Variants in PIH1D2 observed in about 807,000 individuals in gnomAD.
The protein encoded by PIH1D2 is PIH1 domain-containing protein 2.
Under a neutral mutation model 31.2 loss-of-function variants are expected in PIH1D2, and 25 were observed. The observed-to-expected ratio is 0.80, with a 90% CI of 0.58 to 1.12. The LOEUF (loss-of-function observed/expected upper bound fraction) is 1.12, where lower values mean the gene tolerates loss of function less well. Among genes scored for constraint, PIH1D2 ranks in the 50% most tolerant of loss-of-function variants. The pLI, the probability that PIH1D2 is intolerant of heterozygous loss-of-function variation, is 0.00. For missense variants in PIH1D2, 310 were observed against 356.6 expected (o/e 0.87, Z 1.05); for synonymous variants, 116 against 119.9 (o/e 0.97, Z 0.21).
chr11:112,070,286 T>C, intron 5 of PIH1D2, 150 bp downstream of exon 5: 1 of 861,428 alleles, frequency 1.2e-6, no homozygotes, highest in East Asian at 2.6e-5. Flanking sequence ...GAGATGTGAA[T>C]GGCACATCTC....
chr11:112,073,380 T>C (rs1445868150), intron 1 of PIH1D2, among the ~76,000 whole-genome samples, 175 bp from the exon 2 acceptor site: 1 of 152,168 alleles, frequency 6.6e-6, no homozygotes, highest in Non-Finnish European at 1.5e-5. Flanking sequence ...AATTATCTAG[T>C]ACCTCTTCCT....
chr11:112,068,115 G>A, intron 5 of PIH1D2, 110 bp from the exon 6 acceptor site: 6 of 802,444 alleles, frequency 7.5e-6, no homozygotes, highest in Non-Finnish European at 1.1e-5. Flanking sequence ...TTGTTGCCAT[G>A]TGACTTGGAA....
the PIH1D2 span, among the ~76,000 whole-genome samples, chr11:112,055,041 G>C: frequency 6.6e-6 from 1 of 152,008 alleles, no homozygotes; most frequent in Non-Finnish European, 1.5e-5. Context: ...TTCCAAATAA[G>C]GTCACATTGA....
At chr11:112,056,221 T>G in the PIH1D2 span, among the ~76,000 whole-genome samples, 1 of 152,192 alleles carries the variant, frequency 6.6e-6, no homozygotes, top group African/African-American at 2.4e-5. Context: ...AAAATGTACC[T>G]GCTCTAAGTG....
the PIH1D2 span, among the ~76,000 whole-genome samples, chr11:112,055,693 C>G: frequency 6.6e-6 from 1 of 151,778 alleles, no homozygotes; most frequent in East Asian, 1.9e-4. Context: ...CATTCCTTTT[C>G]CGTGCTATGG....
Position 112,070,675 on chromosome 11 carries a change from T to C in PIH1D2, c.574A>G (p.Ser192Gly). 6.2e-7 allele frequency: 1 copy of C among 1,614,096 alleles called. No homozygotes were observed. ...RELTLGQIRS[S>G]TMSNPDHFPQ... ...AAGTGATCTGGATTGCTCATAGTAC[T>C]GCTTCGTATCTGTCCAAGAGTTAGT... The change falls in exon 5 of 6, where the codon AGT becomes GGT. Residue 192 changes from serine (S) to glycine (G), a missense_variant. Ser to Gly is a moderately conservative substitution (Grantham distance 56). Transcript: ENST00000280350.
At chr11:112,060,712 C>T (rs782689840), downstream of PIH1D2, among the ~76,000 whole-genome samples, 133 of 151,976 alleles carry the variant, frequency 8.8e-4, 2 homozygotes, top group Non-Finnish European at 6.5e-4. Flanking sequence ...ATGATCCACC[C>T]GCCTCACCCT....
chr11:112,060,712 CG>C (rs1465796492), downstream of PIH1D2, among the ~76,000 whole-genome samples: 1 of 151,976 alleles, frequency 6.6e-6, no homozygotes, highest in African/African-American at 2.4e-5. Context: ...ATGATCCACC[CG>C]CCTCACCCTC....
chr11:112,064,185 AT>A (rs1555183607), downstream of PIH1D2: 2 of 1,571,622 alleles, frequency 1.3e-6, no homozygotes, highest in Admixed American at 3.8e-5. Context: ...TTCAAAGATA[AT>A]TCATCTTTCG....
chr11:112,068,877 A>G (rs1865016365), intron 5 of PIH1D2, among the ~76,000 whole-genome samples: 1 of 152,116 alleles, frequency 6.6e-6, no homozygotes, highest in Admixed American at 6.5e-5. Flanking sequence ...TCAGCAAGTA[A>G]GGGATAAAAT....
chr11:112,062,341 G>A (rs587716903), downstream of PIH1D2: 148 of 1,571,324 alleles, frequency 9.4e-5, 2 homozygotes, highest in South Asian at 1.6e-3. Flanking sequence ...GAGCATTTGG[G>A]TGGTTACTGG....
downstream of PIH1D2, among the ~76,000 whole-genome samples, chr11:112,059,045 A>T (rs1224931437): frequency 6.6e-6 from 1 of 151,032 alleles, no homozygotes; most frequent in Non-Finnish European, 1.5e-5. Flanking sequence ...AAGATCTGAT[A>T]TTGTGTAAAA....
chr11:112,071,380 A>G (rs1865104587), intron 3 of PIH1D2, 97 bp from the exon 4 acceptor site: 1 of 1,423,712 alleles, frequency 7.0e-7, no homozygotes, highest in Non-Finnish European at 9.5e-7. Context: ...ATAAAGCTAG[A>G]GAATATTCCT....
In PIH1D2 at chr11:112,067,812, A is replaced by G. The variant is rs1864986324; in HGVS notation, c.*59T>C. On this transcript the variant is annotated 3_prime_UTR_variant, in exon 6 of 6. Transcript: ENST00000280350. Reference sequence around the variant, plus strand: ...ACTACTACCTCTTTAGCCAAAATGAAGGTCCTTTAATTCACATGACTTTAG... The same window carrying G: ...ACTACTACCTCTTTAGCCAAAATGAGGGTCCTTTAATTCACATGACTTTAG... 1 of 1,583,680 alleles carries G rather than the reference A, an allele frequency of 6.3e-7. No individual in the cohort carries two copies. Among genetic ancestry groups the G allele is most frequent in the Non-Finnish European group, 8.6e-7 (1 of 1,168,308 alleles).
In PIH1D2 at chr11:112,070,953, TAG is replaced by T. The variant is rs782522407; in HGVS notation, c.547+83_547+84del. ...ATCTTAAGTTTTTCACCTTTTAAAA[TAG>T]AGATTTCTAGTTTGCAAAATGTATA... On this transcript the variant is annotated intron_variant, in intron 4 of 5. Transcript: ENST00000280350. The T allele has an allele frequency of 1.8e-5, 25 of 1,423,740 alleles. No individual in the cohort carries two copies. The African/African-American group carries it at 3.6e-4, about 20-fold the overall frequency. 88.2% of individuals were successfully genotyped at this position (1,423,740 alleles called of 1,614,324 possible). A position where few individuals can be genotyped will look rare whatever the true frequency, so the allele number is the denominator to read the frequency against.
At chr11:112,071,587 C>A (rs1219652226) in intron 3 of PIH1D2, 48 bp downstream of exon 3, 1 of 1,575,874 alleles carries the variant, frequency 6.3e-7, no homozygotes, top group Non-Finnish European at 8.7e-7. Flanking sequence ...AGATCTTGTC[C>A]ATTCCTAATA....
chr11:112,067,835 T>G lies in PIH1D2; in HGVS notation c.*36A>C. The G allele has an allele frequency of 3.7e-6, 6 of 1,609,338 alleles. No individual in the cohort carries two copies. The highest frequency in any genetic ancestry group is 5.1e-6 in the Non-Finnish European group (6 of 1,178,362). On this transcript the variant is annotated 3_prime_UTR_variant, in exon 6 of 6. Transcript: ENST00000280350. ...GAAGGTCCTTTAATTCACATGACTTTAGCACTGAAAACCCAAAACATATGA... is the reference window on the plus strand; with the variant it reads ...GAAGGTCCTTTAATTCACATGACTTGAGCACTGAAAACCCAAAACATATGA...
intron 2 of PIH1D2, among the ~76,000 whole-genome samples, chr11:112,072,074 C>T (rs1304137077): frequency 6.6e-6 from 1 of 151,814 alleles, no homozygotes; most frequent in Non-Finnish European, 1.5e-5. Context: ...GCCCGGGTGA[C>T]GAGAGTGAAA....
At chr11:112,059,353 C>CT (rs1229235062), downstream of PIH1D2, among the ~76,000 whole-genome samples, 1,076 of 130,628 alleles carry the variant, frequency 8.2e-3, 2 homozygotes, top group Non-Finnish European at 0.012. Flanking sequence ...ATTTCTCATT[C>CT]TTTTTTTTTT....
Sources: gnomAD v4.1 joint callset for allele counts (sites outside exome capture counted in the v4.1 genomes callset) on GRCh38, gnomAD v4.1.1 for gene constraint, MANE v1.5 for transcripts, NCBI Gene and HGNC (gene_info 2026-07-23, HGNC 2026-07-21) for gene names.